TBRG4: variants seen among roughly 807,000 people sequenced by gnomAD.
TBRG4 encodes the protein transforming growth factor beta regulator 4.
Under a neutral mutation model 65.6 loss-of-function variants are expected in TBRG4, and 43 were observed. That is an observed-to-expected ratio of 0.66 (90% CI 0.51 to 0.85). The LOEUF (loss-of-function observed/expected upper bound fraction) is 0.85. TBRG4 is among the 40% of genes least tolerant of loss of function. The pLI, the probability that TBRG4 is intolerant of heterozygous loss-of-function variation, is 0.00. For synonymous variants in TBRG4, 366 were observed against 341.4 expected (o/e 1.07, Z -0.79); for missense variants, 709 against 787.9 (o/e 0.90, Z 1.20).
chr7:45,103,394 ACG>A lies in TBRG4; in HGVS notation c.1113_1114del (p.Val372ThrfsTer23), dbSNP rs1293298062. ...GTTCAGACGCGCAAAAGCCAGAAGT[ACG>A]CTGCACAGGTGGGGCAGGGTGATGT... On this transcript the variant is annotated frameshift_variant, in exon 6 of 11. Transcript: ENST00000258770. LOFTEE classifies it high-confidence loss of function. 1 of 1,613,958 alleles carries A rather than the reference ACG, an allele frequency of 6.2e-7. No individual in the cohort carries two copies. The highest frequency in any genetic ancestry group is 1.3e-5 in the African/African-American group (1 of 74,930).
intron 6 of TBRG4, 97 bp downstream of exon 6, chr7:45,103,236 C>G (rs564007900): frequency 9.2e-5 from 95 of 1,035,090 alleles, no homozygotes; most frequent in Middle Eastern, 6.0e-4. Flanking sequence ...GCCCCTCCCG[C>G]CTCCACCTAG....
intron 8 of TBRG4, 105 bp downstream of exon 8, chr7:45,101,720 C>G (rs927242122): frequency 3.6e-5 from 58 of 1,594,150 alleles, no homozygotes; most frequent in Non-Finnish European, 4.7e-5. Flanking sequence ...AGGCTGACAC[C>G]CTGCAGCTCC....
At position 45,105,676 on chromosome 7, in the gene TBRG4, G is replaced by T; in HGVS notation, c.500C>A (p.Ser167Ter). ...GCGCCAGCGGACCTCCTGCTCCACC[G>T]ACTGCAGCTCCTTGGAGGCCTTGGG... ...GIPKASKELQ[S>*]VEQEVRWRMR... is the part of the protein sequence containing the mutation. The change falls in exon 3 of 11, where the codon TCG becomes TAG. Residue 167 changes from serine (S) to a stop codon, truncating the protein, a stop_gained. Coordinates refer to ENST00000258770, the MANE Select transcript of TBRG4 (RefSeq NM_004749.4). LOFTEE classifies it high-confidence loss of function. 2 of 1,614,040 alleles carry T rather than the reference G, an allele frequency of 1.2e-6. No homozygotes were observed. The highest frequency in any genetic ancestry group is 2.2e-5 in the South Asian group (2 of 91,084).
In TBRG4 at chr7:45,104,544, C is replaced by A. The variant is rs1323355844; in HGVS notation, c.901G>T (p.Ala301Ser). The part of the protein sequence containing the change: ...TKDVLLDVAY[A>S]YGKLSFHQTQ... ...TTCTGTCCAAAGGGCTCACCATAGG[C>A]ATAGGCCACGTCCAAGAGCACATCT... is the stretch of plus-strand genomic sequence containing the variant. Residue 301 changes from alanine to serine, a missense_variant, in exon 4 of 11, where the codon GCC (alanine) becomes TCC (serine). Transcript: ENST00000258770. The A allele has an allele frequency of 6.2e-7, 1 of 1,613,864 alleles. No homozygotes were observed. The highest frequency in any genetic ancestry group is 8.5e-7 in the Non-Finnish European group (1 of 1,180,048).
At chr7:45,100,731 C>G (rs1450621797) in intron 10 of TBRG4, among the ~76,000 whole-genome samples, 2 of 152,248 alleles carry the variant, frequency 1.3e-5, no homozygotes, top group Non-Finnish European at 2.9e-5. Context: ...AAGAAGCAAA[C>G]AGAACCCTTG....
intron 1 of TBRG4, among the ~76,000 whole-genome samples, chr7:45,110,358 C>T (rs990943983): frequency 3.9e-5 from 6 of 152,262 alleles, no homozygotes; most frequent in Admixed American, 1.3e-4. Flanking sequence ...TACATATAGC[C>T]TTGATGTTGC....
intron 3 of TBRG4, 186 bp from the exon 4 acceptor site, chr7:45,104,895 T>G (rs2289376): frequency 2.0e-6 from 2 of 983,732 alleles, no homozygotes; most frequent in Non-Finnish European, 3.2e-6. Context: ...AGGGAACCCC[T>G]GGACCTGGAG....
At chr7:45,108,792 T>C in intron 2 of TBRG4, 35 bp downstream of exon 2, 1 of 1,484,112 alleles carries the variant, frequency 6.7e-7, no homozygotes, top group Non-Finnish European at 8.9e-7. Flanking sequence ...TGTTTTCCTC[T>C]TGTCTATGCT....
At chr7:45,103,552 C>A in intron 5 of TBRG4, 109 bp from the exon 6 acceptor site, 1 of 811,752 alleles carries the variant, frequency 1.2e-6, no homozygotes. Context: ...GGGGCAATGG[C>A]AGGACCCTCC....
chr7:45,106,671 G>A (rs1470214826), intron 2 of TBRG4: 1 of 152,382 alleles, frequency 6.6e-6, no homozygotes, highest in Admixed American at 6.5e-5. Context: ...ACCTACTTGG[G>A]AGGCTGAGGT....
chr7:45,111,039 G>A (rs1396508795), intron 1 of TBRG4, among the ~76,000 whole-genome samples: 1 of 152,108 alleles, frequency 6.6e-6, no homozygotes, highest in African/African-American at 2.4e-5. Context: ...GCAATGCTGC[G>A]ATCTCGAGTC....
At chr7:45,109,311 G>C (rs1279559334) in intron 1 of TBRG4, 24 bp from the exon 2 acceptor site, 3 of 1,503,576 alleles carry the variant, frequency 2.0e-6, no homozygotes, top group East Asian at 2.3e-5. Flanking sequence ...GGAGAGAGAA[G>C]GGGCTACTAC....
chr7:45,101,448 T>A (rs191861705), intron 9 of TBRG4, 55 bp downstream of exon 9: 187 of 1,604,112 alleles, frequency 1.2e-4, no homozygotes, highest in Admixed American at 2.0e-4. Flanking sequence ...AAGCAAAGAA[T>A]ATGCAGTCCA....
intron 2 of TBRG4, chr7:45,106,072 G>A (rs762265973): frequency 1.6e-6 from 1 of 613,404 alleles, no homozygotes; most frequent in South Asian, 1.4e-5. Context: ...CCATAGACAG[G>A]GCAGGCACTG....
At position 45,103,868 on chromosome 7, in the gene TBRG4, T is replaced by G. The variant is rs188436323; in HGVS notation, c.1065+231A>C. 2,980 of 612,344 alleles carry G rather than the reference T, an allele frequency of 4.9e-3. 11 individuals carry two copies. The highest frequency in any genetic ancestry group is 6.7e-3 in the Middle Eastern group (15 of 2,246). The allele number at this position is 612,344 out of a possible 1,614,324, so 37.9% of individuals were successfully genotyped here. ...GCTACCTGCTACAGCTACCCCAAAA[T>G]GGATGGAAGCACTTATAATGGTCAG... On this transcript the variant is annotated intron_variant, in intron 5 of 10. Coordinates refer to ENST00000258770, the MANE Select transcript of TBRG4 (RefSeq NM_004749.4).
chr7:45,107,710 C>T (rs1390940184), intron 2 of TBRG4: 2 of 154,640 alleles, frequency 1.3e-5, no homozygotes, highest in African/African-American at 4.8e-5. Context: ...GAAAAGAAAG[C>T]TGTTATTACA....
At chr7:45,111,470 G>T in intron 1 of TBRG4, 173 bp downstream of exon 1, 2 of 729,160 alleles carry the variant, frequency 2.7e-6, no homozygotes, top group Non-Finnish European at 3.9e-6. Flanking sequence ...GAGAGGAAGC[G>T]TGCGCACTGG....
chr7:45,111,643 G>T lies in TBRG4; in HGVS notation c.-51C>A, dbSNP rs1191727489. 1 of 1,289,400 alleles carries T rather than the reference G, an allele frequency of 7.8e-7. No individual in the cohort carries two copies. Among genetic ancestry groups the T allele is most frequent in the Non-Finnish European group, 1.0e-6 (1 of 988,838 alleles). 79.9% of individuals were successfully genotyped at this position (1,289,400 alleles called of 1,614,324 possible). ...CTTCTCCCCGTGCCACAAGACCTAC[G>T]CAGCGAGCACCACCGCTGACCTCCA... On this transcript the variant is annotated splice_region_variant and 5_prime_UTR_variant, in exon 1 of 11. The change creates a premature stop within an existing upstream ORF in the 5' untranslated region. Coordinates refer to ENST00000258770, the MANE Select transcript of TBRG4 (RefSeq NM_004749.4).
intron 3 of TBRG4, 112 bp from the exon 4 acceptor site, chr7:45,104,821 CAG>C: frequency 6.7e-7 from 1 of 1,486,438 alleles, no homozygotes; most frequent in Non-Finnish European, 9.2e-7. Flanking sequence ...CAGCCCCTGT[CAG>C]ACTGGGCCTG....
Sources: gnomAD v4.1 joint callset for allele counts (sites outside exome capture counted in the v4.1 genomes callset) on GRCh38, gnomAD v4.1.1 for gene constraint, MANE v1.5 for transcripts, NCBI Gene and HGNC (gene_info 2026-07-23, HGNC 2026-07-21) for gene names.